LRP1B: variants seen among roughly 807,000 people sequenced by gnomAD.
The protein encoded by LRP1B is LDL receptor related protein 1B, also known as low-density lipoprotein receptor-related protein 1B.
A neutral mutation model predicts 556.6 loss-of-function variants in LRP1B; 217 were observed. The observed-to-expected ratio is 0.39, with a 90% confidence interval of 0.35 to 0.44. The LOEUF is 0.44. Among genes scored for constraint, LRP1B ranks in the 20% least tolerant of loss-of-function variants. LRP1B has a pLI of 1.00. For missense variants in LRP1B, 5,053 were observed against 5,620.8 expected (o/e 0.90, Z 3.23); for synonymous variants, 2,047 against 1,865.8 (o/e 1.10, Z -2.50).
chr2:140,590,906 A>G (rs550037476), intron 43 of LRP1B, among the ~76,000 whole-genome samples: 1 of 152,282 alleles, frequency 6.6e-6, no homozygotes, highest in East Asian at 1.9e-4. Flanking sequence ...ATGTATACTA[A>G]ATCTCCCCAT....
chr2:140,268,813 T>G (rs1355583531), intron 86 of LRP1B, among the ~76,000 whole-genome samples: 1 of 151,780 alleles, frequency 6.6e-6, no homozygotes, highest in African/African-American at 2.4e-5. Context: ...GGTCTTACTC[T>G]AAGATCTTTC....
chr2:141,486,041 A>G (rs935970914), intron 2 of LRP1B, among the ~76,000 whole-genome samples: 1 of 152,148 alleles, frequency 6.6e-6, no homozygotes, highest in African/African-American at 2.4e-5. Context: ...CATTTTTAGC[A>G]AGTATGGTAG....
At chr2:140,876,077 G>A in intron 25 of LRP1B, among the ~76,000 whole-genome samples, 1 of 151,298 alleles carries the variant, frequency 6.6e-6, no homozygotes, top group South Asian at 2.1e-4. Flanking sequence ...AACTTTGGAG[G>A]TTGCGATATC....
At chr2:141,301,033 T>C (rs1459406760) in intron 3 of LRP1B, among the ~76,000 whole-genome samples, 1 of 152,184 alleles carries the variant, frequency 6.6e-6, no homozygotes, top group East Asian at 1.9e-4. Context: ...ATATTTATTA[T>C]TGTCCAAATG....
intron 11 of LRP1B, among the ~76,000 whole-genome samples, chr2:141,046,036 G>T (rs891256398): frequency 6.6e-6 from 1 of 151,962 alleles, no homozygotes; most frequent in Non-Finnish European, 1.5e-5. Context: ...AACAGTATAT[G>T]CAACATTTAG....
At chr2:140,235,177 T>C (rs902211714) in intron 89 of LRP1B, among the ~76,000 whole-genome samples, 1 of 151,206 alleles carries the variant, frequency 6.6e-6, no homozygotes, top group Admixed American at 6.6e-5. Context: ...GGCATGAATT[T>C]GAAGATAAAA....
At chr2:141,989,113 G>T (rs1160575946) in intron 1 of LRP1B, among the ~76,000 whole-genome samples, 1 of 151,886 alleles carries the variant, frequency 6.6e-6, no homozygotes, top group Non-Finnish European at 1.5e-5. Flanking sequence ...ACGCCCTCTT[G>T]AACATTTTGT....
intron 7 of LRP1B, among the ~76,000 whole-genome samples, chr2:141,068,417 G>A (rs988021385): frequency 6.6e-6 from 1 of 151,872 alleles, no homozygotes; most frequent in Admixed American, 6.6e-5. Flanking sequence ...TTTACATAGG[G>A]CCCAAAGATT....
At chr2:142,038,340 A>G (rs922811731) in intron 1 of LRP1B, among the ~76,000 whole-genome samples, 3 of 151,626 alleles carry the variant, frequency 2.0e-5, no homozygotes, top group Admixed American at 6.6e-5. Flanking sequence ...AATTAGGACT[A>G]AAGATGCAAC....
chr2:141,102,557 C>G (rs10048810), intron 7 of LRP1B, among the ~76,000 whole-genome samples: 43,110 of 151,834 alleles, frequency 0.28, 6,568 homozygotes, highest in East Asian at 0.65. Context: ...CTGTTGTCCA[C>G]AACTGGTGCA....
chr2:141,110,160 C>T (rs1700712015), intron 7 of LRP1B, among the ~76,000 whole-genome samples: 1 of 152,134 alleles, frequency 6.6e-6, no homozygotes, highest in Non-Finnish European at 1.5e-5. Context: ...CAGGCCTTAA[C>T]ACAATGCACA....
rs140022824 is a variant in LRP1B, at chr2:140,290,139, T to C, written c.12967+7669A>G. On this transcript the variant is annotated intron_variant, in intron 84 of 90. Coordinates refer to ENST00000389484, the MANE Select transcript of LRP1B (RefSeq NM_018557.3). ...TGGCCTGTTTAATATTCTAGTGGGG[T>C]AGATATTCATGAATGATATGAATAT... 2.7e-3 allele frequency among the ~76,000 whole-genome samples: 418 copies of C among 152,096 alleles called. 4 individuals carry two copies. The highest frequency in any genetic ancestry group is 0.019 in the East Asian group (97 of 5,160).
At chr2:141,866,444 C>A (rs1236896860) in intron 1 of LRP1B, among the ~76,000 whole-genome samples, 2 of 152,056 alleles carry the variant, frequency 1.3e-5, no homozygotes, top group African/African-American at 2.4e-5. Flanking sequence ...CAGTTAATGT[C>A]AATGTTATGA....
At chr2:141,782,756 G>A (rs1329680026) in intron 2 of LRP1B, among the ~76,000 whole-genome samples, 1 of 151,876 alleles carries the variant, frequency 6.6e-6, no homozygotes, top group African/African-American at 2.4e-5. Context: ...GTGTGATCTA[G>A]GTAAAGTAAT....
intron 2 of LRP1B, among the ~76,000 whole-genome samples, chr2:141,641,110 T>G (rs1453837593): frequency 6.6e-6 from 1 of 152,216 alleles, no homozygotes; most frequent in Non-Finnish European, 1.5e-5. Context: ...TTTTCAATTA[T>G]CTTTCCCCCT....
At chr2:141,483,361 C>G (rs1469733486) in intron 2 of LRP1B, among the ~76,000 whole-genome samples, 4 of 147,864 alleles carry the variant, frequency 2.7e-5, no homozygotes, top group Non-Finnish European at 6.0e-5. Flanking sequence ...CCAGTCTATC[C>G]TTGTTGGACA....
At chr2:141,348,179 G>A (rs59394094) in intron 3 of LRP1B, among the ~76,000 whole-genome samples, 3,795 of 152,046 alleles carry the variant, frequency 0.025, 180 homozygotes, top group African/African-American at 0.087. Context: ...AGCTTTTCCC[G>A]TTGTGTGGGT....
intron 2 of LRP1B, among the ~76,000 whole-genome samples, chr2:141,749,471 G>A (rs896329804): frequency 6.6e-5 from 10 of 152,248 alleles, no homozygotes; most frequent in Middle Eastern, 6.8e-3. Context: ...TGATTATTTA[G>A]TAGGTAAATA....
intron 41 of LRP1B, among the ~76,000 whole-genome samples, chr2:140,679,200 GT>G: frequency 6.6e-6 from 1 of 152,286 alleles, no homozygotes; most frequent in East Asian, 1.9e-4. Context: ...TTAGATTAGA[GT>G]CCACCCATTA....
Sources: allele counts gnomAD v4.1 joint callset (sites outside exome capture counted in the v4.1 genomes callset), GRCh38; gene constraint gnomAD v4.1.1; transcripts MANE v1.5; gene names NCBI Gene and HGNC (gene_info 2026-07-23, HGNC 2026-07-21).